The following NIN variants were observed in gnomAD, a reference collection of about 807,000 sequenced individuals.
NIN encodes ninein.
Under a neutral mutation model 257.6 loss-of-function variants are expected in NIN, and 137 were observed. That is an observed-to-expected ratio of 0.53 (90% CI 0.46 to 0.61). The LOEUF is 0.61. Among genes scored for constraint, NIN ranks in the 20% least tolerant of loss-of-function variants. The probability of loss-of-function intolerance (pLI) is 0.00; values close to 1 mark genes in which losing one functional copy is unlikely to be tolerated. For synonymous variants in NIN, 918 were observed against 919.8 expected (o/e 1.00, Z 0.04); for missense variants, 2,439 against 2,501.2 (o/e 0.98, Z 0.53).
chr14:50,756,971 C>G lies in NIN; in HGVS notation c.4059G>C (p.Glu1353Asp). The change falls in exon 18 of 31, where the codon GAG becomes GAC. Residue 1353 changes from glutamate (E) to aspartate (D), a missense_variant. Transcript: ENST00000530997. ...TTCCATCAGGTTCGATTTCCAGGTT[C>G]TCTAAACTGGCTTCCCATAAGCAGC... The part of the protein sequence containing the change: ...CDCCLWEASL[E>D]NLEIEPDGNI... 2 of 1,611,654 alleles carry G rather than the reference C, an allele frequency of 1.2e-6. No individual in the cohort carries two copies. Among genetic ancestry groups the G allele is most frequent in the Non-Finnish European group, 1.7e-6 (2 of 1,178,684 alleles).
chr14:50,721,842 C>T lies in NIN; in HGVS notation c.*1621G>A, dbSNP rs750885405. ...CTTGTAGTGAGGCCTCCTGGGTTGA[C>T]CGGTGAGACTCATAAGCCCCCAAGA... On this transcript the variant is annotated 3_prime_UTR_variant, in exon 31 of 31. Transcript: ENST00000530997. The T allele has an allele frequency of 6.3e-5, 14 of 223,292 alleles. No individual in the cohort carries two copies. The highest frequency in any genetic ancestry group is 1.2e-4 in the Non-Finnish European group (13 of 111,796). The allele number at this position is 223,292 out of a possible 1,614,324, so 13.8% of individuals were successfully genotyped here. A position where few individuals can be genotyped will look rare whatever the true frequency, so the allele number is the denominator to read the frequency against.
At chr14:50,805,840 T>C (rs1231113071) in intron 4 of NIN, 1 of 152,182 alleles carries the variant, frequency 6.6e-6, no homozygotes, top group Non-Finnish European at 1.5e-5. Context: ...CATCAAGATA[T>C]AAAAGTTTCA....
intron 28 of NIN, among the ~76,000 whole-genome samples, chr14:50,734,817 C>T (rs921284769): frequency 6.6e-6 from 1 of 151,840 alleles, no homozygotes; most frequent in Non-Finnish European, 1.5e-5. Flanking sequence ...GCTGGGACTA[C>T]AGGTACGTGC....
chr14:50,830,730 G>GC (rs201889202), intron 1 of NIN: 145,343 of 151,516 alleles, frequency 0.96, 69,998 homozygotes, highest in East Asian at 1. Context: ...CCGCCGGCCC[G>GC]CCCCCGCCCG....
intron 25 of NIN, among the ~76,000 whole-genome samples, chr14:50,740,351 G>A (rs530077585): frequency 4.8e-4 from 62 of 129,252 alleles, no homozygotes; most frequent in Non-Finnish European, 8.8e-4. Context: ...ACCACAGCTG[G>A]CTTTTTTTTT....
At chr14:50,760,508 T>A in intron 16 of NIN, 149 bp from the exon 17 acceptor site, 1 of 854,746 alleles carries the variant, frequency 1.2e-6, no homozygotes, top group Non-Finnish European at 1.8e-6. Flanking sequence ...GTAACTGAAT[T>A]CAACACTTTA....
chr14:50,805,408 C>T (rs567064921), intron 4 of NIN, among the ~76,000 whole-genome samples: 1 of 152,340 alleles, frequency 6.6e-6, no homozygotes, highest in African/African-American at 2.4e-5. Context: ...CTCAGGCTCA[C>T]TGGGGGCTTC....
At chr14:50,820,697 T>A (rs2142425248) in intron 3 of NIN, among the ~76,000 whole-genome samples, 1 of 152,280 alleles carries the variant, frequency 6.6e-6, no homozygotes, top group South Asian at 2.1e-4. Context: ...TAGAGACAGC[T>A]AACCCTCCCC....
chr14:50,783,814 A>C (rs903327604), intron 5 of NIN, among the ~76,000 whole-genome samples: 1 of 152,194 alleles, frequency 6.6e-6, no homozygotes, highest in Non-Finnish European at 1.5e-5. Flanking sequence ...CCACCAGTAA[A>C]GGGAGGCATC....
intron 16 of NIN, 74 bp from the exon 17 acceptor site, chr14:50,760,433 ATTGC>A: frequency 2.3e-5 from 19 of 837,360 alleles, no homozygotes; most frequent in Admixed American, 1.7e-4. Flanking sequence ...TGGAGCAGCA[ATTGC>A]TTTTTTTTTT....
intron 23 of NIN, among the ~76,000 whole-genome samples, chr14:50,743,888 G>A (rs1258500392): frequency 6.6e-6 from 1 of 152,006 alleles, no homozygotes; most frequent in Non-Finnish European, 1.5e-5. Flanking sequence ...TGGTGTTTTG[G>A]GATTTGCTAA....
chr14:50,763,778 A>C (rs2042367778), intron 15 of NIN, 48 bp downstream of exon 15: 1 of 1,541,206 alleles, frequency 6.5e-7, no homozygotes, highest in East Asian at 2.3e-5. Context: ...CCACGTTTCT[A>C]AAAACAAGAG....
chr14:50,799,142 A>G (rs1330035662), intron 4 of NIN, among the ~76,000 whole-genome samples: 1 of 152,212 alleles, frequency 6.6e-6, no homozygotes, highest in South Asian at 2.1e-4. Flanking sequence ...AACACTTTCC[A>G]TGGGAAAGAG....
In NIN at chr14:50,754,729, G is replaced by A. The variant is rs1327277866; in HGVS notation, c.4664+13C>T. 5 of 1,583,214 alleles carry A rather than the reference G, an allele frequency of 3.2e-6. No individual in the cohort carries two copies. Among genetic ancestry groups the A allele is most frequent in the Non-Finnish European group, 4.3e-6 (5 of 1,162,922 alleles). On this transcript the variant is annotated intron_variant, in intron 19 of 30. Coordinates refer to ENST00000530997, the MANE Select transcript of NIN (RefSeq NM_020921.4). ...GCAAAAATGTCTTAGGAAAATGTAAGTATACGTCTTACCACATTTCTTCCT... is the reference window on the plus strand; with the variant it reads ...GCAAAAATGTCTTAGGAAAATGTAAATATACGTCTTACCACATTTCTTCCT...
intron 27 of NIN, among the ~76,000 whole-genome samples, chr14:50,736,369 C>T (rs1476556383): frequency 6.6e-6 from 1 of 151,984 alleles, no homozygotes; most frequent in Non-Finnish European, 1.5e-5. Context: ...GAACTCCTGA[C>T]CTCGTGATCT....
chr14:50,750,319 T>C (rs1039562223), intron 21 of NIN, among the ~76,000 whole-genome samples: 8 of 152,202 alleles, frequency 5.3e-5, no homozygotes, highest in Non-Finnish European at 1.0e-4. Context: ...TAGCTTTGTA[T>C]ACATATTAGA....
At position 50,742,897 on chromosome 14, in the gene NIN, G is replaced by C. The variant is rs529728641; in HGVS notation, c.5301+519C>G. Among the ~76,000 whole-genome samples, 20 of 152,200 alleles carry C rather than the reference G, an allele frequency of 1.3e-4. No homozygotes were observed. The South Asian group carries it at 3.9e-3, about 30-fold the overall frequency. Reference sequence around the variant, plus strand: ...CAAGCCTTCATAATTAATAAACTTTGATGGAAATATTTAAATTATTTTGCT... The same window carrying C: ...CAAGCCTTCATAATTAATAAACTTTCATGGAAATATTTAAATTATTTTGCT... On this transcript the variant is annotated intron_variant, in intron 24 of 30. Coordinates refer to ENST00000530997, the MANE Select transcript of NIN (RefSeq NM_020921.4).
intron 27 of NIN, among the ~76,000 whole-genome samples, chr14:50,736,132 G>C (rs746371386): frequency 1.3e-5 from 2 of 151,758 alleles, no homozygotes; most frequent in African/African-American, 2.4e-5. Flanking sequence ...TAAAGATTTC[G>C]TGAGTACCTT....
chr14:50,733,371 A>C (rs1165412438), intron 28 of NIN, among the ~76,000 whole-genome samples: 1 of 152,174 alleles, frequency 6.6e-6, no homozygotes, highest in East Asian at 1.9e-4. Flanking sequence ...GATTATAGGC[A>C]TGAGCCACTG....
Sources: gnomAD v4.1 joint callset for allele counts (sites outside exome capture counted in the v4.1 genomes callset) on GRCh38, gnomAD v4.1.1 for gene constraint, MANE v1.5 for transcripts, NCBI Gene and HGNC (gene_info 2026-07-23, HGNC 2026-07-21) for gene names.